Variants in BMERB1 observed in about 807,000 individuals in gnomAD.
BMERB1 encodes bMERB domain containing 1, also known as bMERB domain-containing protein 1.
BMERB1 carries 12 observed loss-of-function variants against 23.6 expected under a neutral mutation model. The observed-to-expected ratio is 0.51, with a 90% confidence interval of 0.33 to 0.82. BMERB1 has a LOEUF of 0.82. Among genes scored for constraint, BMERB1 ranks in the 40% least tolerant of loss-of-function variants. BMERB1 has a pLI of 0.03. For missense variants in BMERB1, 247 were observed against 255.4 expected (o/e 0.97, Z 0.22); for synonymous variants, 122 against 96.6 (o/e 1.26, Z -1.54).
intron 3 of BMERB1, among the ~76,000 whole-genome samples, chr16:15,570,543 T>C (rs191309714): frequency 1.1e-3 from 160 of 152,152 alleles, no homozygotes; most frequent in Admixed American, 1.5e-3. Context: ...AACGTACCTC[T>C]CCGCTACCCC....
intron 1 of BMERB1, among the ~76,000 whole-genome samples, chr16:15,454,443 C>A (rs1343270256): frequency 6.6e-6 from 1 of 152,192 alleles, no homozygotes; most frequent in Non-Finnish European, 1.5e-5. Flanking sequence ...ACAGCACAGA[C>A]CAGCCTGTGG....
In BMERB1 at chr16:15,581,324, C is replaced by T. The variant is rs571669961; in HGVS notation, c.412C>T (p.Arg138Trp). The change falls in exon 4 of 6, where the codon CGG becomes TGG. Residue 138 changes from arginine (R) to tryptophan (W), a missense_variant. Physicochemically the swap from Arg to Trp is moderately radical, Grantham distance 101. Transcript: ENST00000300006. ...DFLVDDAEVE[R>W]LREQEEDKEM... is the part of the protein sequence containing the mutation. ...CCTGGTGGACGATGCGGAGGTCGAG[C>T]GGTTAAGGTGAGTGCACTGCGGGTA... 1.9e-6 allele frequency: 3 copies of T among 1,613,628 alleles called. No individual in the cohort carries two copies. The highest frequency in any genetic ancestry group is 1.7e-5 in the Admixed American group (1 of 59,970).
intron 2 of BMERB1, among the ~76,000 whole-genome samples, chr16:15,558,056 T>A (rs28451738): frequency 0.12 from 17,502 of 150,374 alleles, 3,337 homozygotes; most frequent in African/African-American, 0.4. Flanking sequence ...AAAAAAAAAT[T>A]TTTTTTGACT....
At chr16:15,501,287 CTTTTTTTTTTTTT>C (rs71152437) in intron 1 of BMERB1, among the ~76,000 whole-genome samples, 12 of 64,908 alleles carry the variant, frequency 1.8e-4, no homozygotes, top group East Asian at 8.7e-4. Context: ...GCTCTTTTTA[CTTTTTTTTTTTTT>C]TTTTTTTTTT....
chr16:15,566,901 A>T (rs557028083), intron 2 of BMERB1, among the ~76,000 whole-genome samples: 2 of 151,958 alleles, frequency 1.3e-5, no homozygotes, highest in South Asian at 4.2e-4. Flanking sequence ...AATCTGGAGG[A>T]GGCTGGGTGC....
At chr16:15,542,004 C>G (rs2052088859) in intron 2 of BMERB1, among the ~76,000 whole-genome samples, 1 of 150,486 alleles carries the variant, frequency 6.6e-6, no homozygotes, top group Non-Finnish European at 1.5e-5. Flanking sequence ...GCTCAGCCAC[C>G]TGAGTAGCTG....
At chr16:15,442,393 AT>A (rs1418110762) in intron 1 of BMERB1, among the ~76,000 whole-genome samples, 2 of 152,124 alleles carry the variant, frequency 1.3e-5, no homozygotes, top group East Asian at 3.9e-4. Flanking sequence ...ACAGGCAACT[AT>A]GTAAGTTATT....
chr16:15,550,607 G>A (rs1449726124), intron 2 of BMERB1, among the ~76,000 whole-genome samples: 2 of 151,770 alleles, frequency 1.3e-5, no homozygotes, highest in Non-Finnish European at 2.9e-5. Context: ...CAAAGTGCTG[G>A]GATTACAGGC....
chr16:15,537,528 A>C (rs2052036846), intron 2 of BMERB1, among the ~76,000 whole-genome samples: 1 of 151,246 alleles, frequency 6.6e-6, no homozygotes, highest in African/African-American at 2.4e-5. Flanking sequence ...TAATTTTTGT[A>C]TTTTTAGTAG....
intron 2 of BMERB1, among the ~76,000 whole-genome samples, chr16:15,543,615 GT>G (rs926220565): frequency 1.3e-5 from 2 of 152,186 alleles, no homozygotes; most frequent in African/African-American, 4.8e-5. Context: ...GAGCCTAGGG[GT>G]TTGAGACCAG....
intron 1 of BMERB1, among the ~76,000 whole-genome samples, chr16:15,486,628 T>C (rs2051371201): frequency 6.6e-6 from 1 of 152,126 alleles, no homozygotes; most frequent in Non-Finnish European, 1.5e-5. Context: ...ATCGTGTTAG[T>C]GGTCCAGAAA....
intron 1 of BMERB1, among the ~76,000 whole-genome samples, chr16:15,507,331 A>G (rs1219433776): frequency 6.6e-6 from 1 of 152,168 alleles, no homozygotes; most frequent in African/African-American, 2.4e-5. Flanking sequence ...GGTGCATACC[A>G]GGGCTGCCCG....
chr16:15,468,404 C>A (rs1199882504), intron 1 of BMERB1, among the ~76,000 whole-genome samples: 1 of 152,026 alleles, frequency 6.6e-6, no homozygotes, highest in Non-Finnish European at 1.5e-5. Flanking sequence ...CTTGTCTTCC[C>A]AAAGTGCTGG....
intron 2 of BMERB1, chr16:15,532,987 G>A (rs2051984602): frequency 4.4e-6 from 2 of 455,328 alleles, no homozygotes; most frequent in East Asian, 1.4e-4. Context: ...CCATTTATAG[G>A]CTGTGCAATC....
chr16:15,574,191 C>T (rs1234096587), intron 3 of BMERB1, among the ~76,000 whole-genome samples: 1 of 152,162 alleles, frequency 6.6e-6, no homozygotes, highest in East Asian at 1.9e-4. Context: ...GGAGGAACTG[C>T]CCAACCCTTA....
At chr16:15,474,845 G>A (rs999648712) in intron 1 of BMERB1, among the ~76,000 whole-genome samples, 3 of 151,834 alleles carry the variant, frequency 2.0e-5, no homozygotes, top group South Asian at 2.1e-4. Context: ...GCACCACCAC[G>A]TCCAGCTAAT....
rs578167396 is a variant in BMERB1, at chr16:15,526,954, C to T, written c.230+11526C>T. On this transcript the variant is annotated intron_variant, in intron 2 of 5. Transcript: ENST00000300006. ...TAAATAATAATAAAATATAATAAAT[C>T]ATATTTTATTATATTTTATTATTAT... Among the ~76,000 whole-genome samples, 377 of 146,712 alleles carry T rather than the reference C, an allele frequency of 2.6e-3. 2 individuals carry two copies. The highest frequency in any genetic ancestry group is 8.5e-3 in the African/African-American group (345 of 40,396).
At chr16:15,444,129 T>TG (rs1210685614) in intron 1 of BMERB1, among the ~76,000 whole-genome samples, 12 of 106,452 alleles carry the variant, frequency 1.1e-4, no homozygotes, top group African/African-American at 4.1e-4. Flanking sequence ...CTTTGTTTTT[T>TG]TTTTTTTTTT....
chr16:15,507,428 G>A lies in BMERB1; in HGVS notation c.107-7877G>A, dbSNP rs529067361. On this transcript the variant is annotated intron_variant, in intron 1 of 5. Transcript: ENST00000300006. ...ATTTGGGGATGGGAAGATGGATTTA[G>A]CTGCCTCTTCCCCCAGAAGTGACTC... 7.2e-5 allele frequency among the ~76,000 whole-genome samples: 11 copies of A among 152,294 alleles called. No individual in the cohort carries two copies. In the South Asian group the frequency reaches 1.7e-3, roughly 23 times the overall value.
Sources: allele counts gnomAD v4.1 joint callset (sites outside exome capture counted in the v4.1 genomes callset), GRCh38; gene constraint gnomAD v4.1.1; transcripts MANE v1.5; gene names NCBI Gene and HGNC (gene_info 2026-07-23, HGNC 2026-07-21).